Variants in BEND7 observed in about 807,000 individuals in gnomAD.
BEND7 encodes the protein BEN domain-containing protein 7.
A neutral mutation model predicts 50.9 loss-of-function variants in BEND7; 28 were observed. The observed-to-expected ratio is 0.55, with a 90% CI of 0.41 to 0.75. BEND7 has a LOEUF of 0.75. Among genes scored for constraint, BEND7 ranks in the 30% least tolerant of loss-of-function variants. The pLI is 0.00. For missense variants in BEND7, 477 were observed against 491.3 expected, an observed-to-expected ratio of 0.97 and a Z score of 0.28; for synonymous variants, 170 against 183.9, an observed-to-expected ratio of 0.92 and a Z score of 0.61.
chr10:13,441,855 C>A, intron 8 of BEND7, 105 bp from the exon 9 acceptor site: 1 of 1,112,948 alleles, frequency 9.0e-7, no homozygotes, highest in Non-Finnish European at 1.3e-6. Context: ...TCCAAACCTT[C>A]CTTGTAGCCC....
intron 2 of BEND7, among the ~76,000 whole-genome samples, chr10:13,523,418 T>C (rs2079212873): frequency 6.6e-6 from 1 of 152,220 alleles, no homozygotes; most frequent in East Asian, 1.9e-4. Flanking sequence ...AGACTTGATG[T>C]GGGAACCTCT....
chr10:13,491,807 G>A (rs1430711154), intron 5 of BEND7, among the ~76,000 whole-genome samples: 1 of 152,044 alleles, frequency 6.6e-6, no homozygotes, highest in African/African-American at 2.4e-5. Flanking sequence ...TCCTATACAG[G>A]CCTGCGGGAG....
chr10:13,522,168 A>T (rs2079126417), intron 2 of BEND7, among the ~76,000 whole-genome samples: 1 of 152,248 alleles, frequency 6.6e-6, no homozygotes, highest in Non-Finnish European at 1.5e-5. Flanking sequence ...TGAACACCTG[A>T]CAGATAAACA....
intron 8 of BEND7, chr10:13,443,397 A>G (rs976420690): frequency 1.3e-5 from 2 of 152,706 alleles, no homozygotes; most frequent in Non-Finnish European, 2.9e-5. Flanking sequence ...GGTGTCAAAT[A>G]TATTACCTAC....
intron 4 of BEND7, among the ~76,000 whole-genome samples, chr10:13,496,281 C>G (rs2077009378): frequency 6.6e-6 from 1 of 152,230 alleles, no homozygotes; most frequent in Admixed American, 6.5e-5. Flanking sequence ...CCTCAACTTG[C>G]CTGATGGCAG....
chr10:13,477,625 G>A (rs975333296), intron 6 of BEND7, among the ~76,000 whole-genome samples: 1 of 152,210 alleles, frequency 6.6e-6, no homozygotes, highest in African/African-American at 2.4e-5. Flanking sequence ...GTATTAGGAA[G>A]TTAAGAGAGC....
chr10:13,484,096 G>A (rs996270469), intron 5 of BEND7, among the ~76,000 whole-genome samples: 8 of 152,202 alleles, frequency 5.3e-5, no homozygotes, highest in African/African-American at 1.7e-4. Context: ...CCCTTTGCAA[G>A]CACCTTACAA....
intron 7 of BEND7, among the ~76,000 whole-genome samples, chr10:13,451,693 T>C (rs187797779): frequency 1.4e-3 from 220 of 152,152 alleles, no homozygotes; most frequent in African/African-American, 5.2e-3. Flanking sequence ...ATGTGCCATG[T>C]TGGTGTGCTG....
At chr10:13,488,086 CAAAAA>C (rs753018197) in intron 5 of BEND7, among the ~76,000 whole-genome samples, 2 of 68,526 alleles carry the variant, frequency 2.9e-5, no homozygotes, top group East Asian at 4.8e-4. Context: ...GTCTCAATTA[CAAAAA>C]AAAAAAAAAA....
At chr10:13,523,399 C>T (rs2079211668) in intron 2 of BEND7, among the ~76,000 whole-genome samples, 1 of 152,246 alleles carries the variant, frequency 6.6e-6, no homozygotes, top group Non-Finnish European at 1.5e-5. Flanking sequence ...AAACATGTTC[C>T]AGAGAGGTAG....
intron 4 of BEND7, among the ~76,000 whole-genome samples, chr10:13,494,732 C>CT (rs1306939599): frequency 6.6e-6 from 1 of 152,176 alleles, no homozygotes; most frequent in African/African-American, 2.4e-5. Flanking sequence ...CGGGGACTAT[C>CT]TGAGTTTTTC....
chr10:13,473,564 G>GACTCAA, intron 6 of BEND7, among the ~76,000 whole-genome samples: 1 of 143,390 alleles, frequency 7.0e-6, no homozygotes, highest in East Asian at 2.2e-4. Flanking sequence ...ATCACTGTTA[G>GACTCAA]GGCCAATATT....
chr10:13,458,295 C>T lies in BEND7; in HGVS notation c.1064-5637G>A, dbSNP rs138697764. 2.7e-3 allele frequency among the ~76,000 whole-genome samples: 418 copies of T among 152,354 alleles called. 1 individual carries two copies. Among genetic ancestry groups the T allele is most frequent in the Admixed American group, 4.4e-3 (67 of 15,308 alleles). On this transcript the variant is annotated intron_variant, in intron 6 of 8. Coordinates refer to ENST00000466271, the MANE Select transcript of BEND7 (RefSeq NM_001369863.1). ...ATCAAGTGAAGGCGGCAGCGCGTGG[C>T]GTGTCTGACATGCTGAACGCGCCAC...
intron 6 of BEND7, among the ~76,000 whole-genome samples, chr10:13,454,219 G>A (rs1216623050): frequency 1.3e-5 from 2 of 152,170 alleles, no homozygotes; most frequent in African/African-American, 4.8e-5. Flanking sequence ...GGAGCATGCT[G>A]TTAGGGGTGT....
chr10:13,459,110 A>C (rs1280862134), intron 6 of BEND7, among the ~76,000 whole-genome samples: 1 of 152,226 alleles, frequency 6.6e-6, no homozygotes, highest in Non-Finnish European at 1.5e-5. Context: ...TACAAGAAAA[A>C]TGGTTGAATG....
In BEND7 at chr10:13,491,870, C is replaced by T. The variant is rs562855028; in HGVS notation, c.837+741G>A. 2.0e-5 allele frequency among the ~76,000 whole-genome samples: 3 copies of T among 152,244 alleles called. No homozygotes were observed. In the South Asian group the frequency reaches 6.2e-4, roughly 32 times the overall value. ...ATCTGATAAGAACAGATCCCCCATT[C>T]TTGTTTATTTTAAGAACTCTCCCAA... On this transcript the variant is annotated intron_variant, in intron 5 of 8. Transcript: ENST00000466271.
intron 5 of BEND7, among the ~76,000 whole-genome samples, chr10:13,487,393 T>TC (rs1384750838): frequency 2.0e-5 from 3 of 149,686 alleles, no homozygotes; most frequent in Non-Finnish European, 4.5e-5. Context: ...CTTTTCTTTT[T>TC]TTTTTTTTTT....
chr10:13,507,788 T>C (rs1011686591), intron 2 of BEND7, among the ~76,000 whole-genome samples: 12 of 152,228 alleles, frequency 7.9e-5, no homozygotes, highest in African/African-American at 2.9e-4. Context: ...TTTGTGGTGA[T>C]GAAAAAGCTC....
intron 4 of BEND7, among the ~76,000 whole-genome samples, chr10:13,493,138 T>A (rs918907458): frequency 2.0e-5 from 3 of 152,244 alleles, no homozygotes; most frequent in African/African-American, 4.8e-5. Flanking sequence ...TTGGGTTCAA[T>A]GCAGGGAAAG....
Sources: gnomAD v4.1 joint callset for allele counts (sites outside exome capture counted in the v4.1 genomes callset) on GRCh38, gnomAD v4.1.1 for gene constraint, MANE v1.5 for transcripts, NCBI Gene and HGNC (gene_info 2026-07-23, HGNC 2026-07-21) for gene names.